The following KCNJ3 variants were observed in gnomAD, a reference collection of about 807,000 sequenced individuals.
KCNJ3 encodes the protein potassium inwardly rectifying channel subfamily J member 3.
In KCNJ3, 4 loss-of-function variants were observed where a neutral mutation model predicts 39.2. That is an observed-to-expected ratio of 0.10 (90% confidence interval 0.05 to 0.23). KCNJ3 has a LOEUF of 0.23. Ranked by LOEUF, KCNJ3 falls within the 10% of genes least tolerant of loss-of-function variation. The probability of loss-of-function intolerance (pLI) is 1.00; values close to 1 mark genes in which losing one functional copy is unlikely to be tolerated. For synonymous variants in KCNJ3, 230 were observed against 237.4 expected (o/e 0.97, Z 0.29); for missense variants, 276 against 634.9 (o/e 0.43, Z 6.08).
chr2:154,794,509 G>T (rs1365302808), intron 2 of KCNJ3, among the ~76,000 whole-genome samples: 1 of 151,988 alleles, frequency 6.6e-6, no homozygotes, highest in Non-Finnish European at 1.5e-5. Context: ...AGTTAGAGCA[G>T]CATGCAATAT....
At chr2:154,746,086 A>T (rs73019291) in intron 2 of KCNJ3, among the ~76,000 whole-genome samples, 8,296 of 151,898 alleles carry the variant, frequency 0.055, 759 homozygotes, top group African/African-American at 0.19. Context: ...GACAAGAATG[A>T]ATACCTTTAT....
intron 2 of KCNJ3, among the ~76,000 whole-genome samples, chr2:154,717,940 C>T (rs998993712): frequency 2.0e-5 from 3 of 152,160 alleles, no homozygotes; most frequent in African/African-American, 4.8e-5. Context: ...ATTTATCCTT[C>T]GTAATTGCAG....
intron 2 of KCNJ3, among the ~76,000 whole-genome samples, chr2:154,804,860 T>C (rs1172106937): frequency 6.6e-6 from 1 of 152,170 alleles, no homozygotes; most frequent in East Asian, 1.9e-4. Context: ...AAAAATAGTC[T>C]ACAGTAAGAA....
At chr2:154,792,297 G>A (rs1686647395) in intron 2 of KCNJ3, among the ~76,000 whole-genome samples, 3 of 152,044 alleles carry the variant, frequency 2.0e-5, no homozygotes, top group Admixed American at 2.0e-4. Context: ...TGTAAAAGTA[G>A]TGTGTGCTCC....
intron 2 of KCNJ3, among the ~76,000 whole-genome samples, chr2:154,727,666 C>T (rs912065131): frequency 6.7e-6 from 1 of 148,782 alleles, no homozygotes; most frequent in Non-Finnish European, 1.5e-5. Context: ...TTAGTGTTTA[C>T]AGAATATCAT....
chr2:154,802,833 T>C (rs892982319), intron 2 of KCNJ3, among the ~76,000 whole-genome samples: 4 of 152,154 alleles, frequency 2.6e-5, no homozygotes, highest in South Asian at 2.1e-4. Flanking sequence ...TATTGACTTT[T>C]AGTTGGCTTT....
chr2:154,843,642 ACT>A (rs1687616790), intron 2 of KCNJ3, among the ~76,000 whole-genome samples: 1 of 150,818 alleles, frequency 6.6e-6, no homozygotes. Flanking sequence ...ATTTCTTTTT[ACT>A]CTTTTTTCTC....
chr2:154,835,683 C>A (rs1003595612), intron 2 of KCNJ3, among the ~76,000 whole-genome samples: 2 of 151,902 alleles, frequency 1.3e-5, no homozygotes, highest in Non-Finnish European at 2.9e-5. Context: ...ATTTACCCAA[C>A]CTTCCTCCTT....
chr2:154,763,355 C>T (rs1468811401), intron 2 of KCNJ3, among the ~76,000 whole-genome samples: 1 of 151,730 alleles, frequency 6.6e-6, no homozygotes, highest in Non-Finnish European at 1.5e-5. Flanking sequence ...TGTTTCTGCA[C>T]AGGCCTAGGC....
In KCNJ3 at chr2:154,856,960, C is replaced by T. The variant is rs1199601902; in HGVS notation, c.*1647C>T. 1.3e-5 allele frequency: 2 copies of T among 152,124 alleles called. No homozygotes were observed. Among genetic ancestry groups the T allele is most frequent in the Non-Finnish European group, 2.9e-5 (2 of 68,026 alleles). 9.4% of individuals were successfully genotyped at this position (152,124 alleles called of 1,614,324 possible). On this transcript the variant is annotated 3_prime_UTR_variant, in exon 3 of 3. Coordinates refer to ENST00000295101, the MANE Select transcript of KCNJ3 (RefSeq NM_002239.4). The stretch of plus-strand genomic sequence containing the variant: ...GTCATTAATTGCTAGTTTGGGCTCT[C>T]ATTATTTCCTGTTTTTTAACAATTT...
intron 2 of KCNJ3, among the ~76,000 whole-genome samples, chr2:154,727,813 G>C (rs2105164991): frequency 6.6e-6 from 1 of 151,546 alleles, no homozygotes. Context: ...TGTCATAGTA[G>C]AAAAAATGCT....
intron 2 of KCNJ3, among the ~76,000 whole-genome samples, chr2:154,732,784 C>T (rs1045430185): frequency 2.0e-5 from 3 of 152,128 alleles, no homozygotes; most frequent in Admixed American, 6.5e-5. Context: ...TTTGGGCCTG[C>T]TGTAAACAAT....
Position 154,814,826 on chromosome 2 carries a change from T to A in KCNJ3, c.920-39901T>A, listed in dbSNP as rs180956154. ...TTGTAATCAATGACTTTATATGCATTATTATGAAAGGTGACACCCAGGAAC... is the reference window on the plus strand; with the variant it reads ...TTGTAATCAATGACTTTATATGCATAATTATGAAAGGTGACACCCAGGAAC... On this transcript the variant is annotated intron_variant, in intron 2 of 2. Transcript: ENST00000295101. Among the ~76,000 whole-genome samples the A allele has an allele frequency of 2.1e-3, 325 of 152,286 alleles. 9 individuals are homozygous for A. The South Asian group carries it at 0.05, about 24-fold the overall frequency.
intron 2 of KCNJ3, among the ~76,000 whole-genome samples, chr2:154,832,756 T>C (rs527308649): frequency 7.3e-4 from 111 of 152,242 alleles, no homozygotes; most frequent in Non-Finnish European, 1.4e-3. Context: ...GATTAAATAA[T>C]TTTATCTTTG....
chr2:154,713,477 G>GC (rs1685134400), intron 2 of KCNJ3, among the ~76,000 whole-genome samples: 1 of 152,116 alleles, frequency 6.6e-6, no homozygotes, highest in Non-Finnish European at 1.5e-5. Flanking sequence ...TGTGGCCTCA[G>GC]CAGGAGTGGT....
chr2:154,766,296 T>G (rs866749655), intron 2 of KCNJ3, among the ~76,000 whole-genome samples: 1 of 152,290 alleles, frequency 6.6e-6, no homozygotes, highest in Middle Eastern at 3.4e-3. Flanking sequence ...CATTTCCTTA[T>G]GTAAGCAATA....
At chr2:154,764,974 T>G (rs983897996) in intron 2 of KCNJ3, among the ~76,000 whole-genome samples, 2 of 152,206 alleles carry the variant, frequency 1.3e-5, no homozygotes, top group East Asian at 3.9e-4. Context: ...ATACACACTT[T>G]TGCCTACTTA....
chr2:154,699,957 C>CT lies in KCNJ3; in HGVS notation c.702+487dup, dbSNP rs1171154133. Among the ~76,000 whole-genome samples the CT allele has an allele frequency of 2.6e-5, 4 of 151,962 alleles. No homozygotes were observed. Among genetic ancestry groups the CT allele is most frequent in the African/African-American group, 7.2e-5 (3 of 41,386 alleles). ...TGGGCTTTTCTTATTTTTTTCTTTC[C>CT]TTTTTTTCCCCCTAATAATATTAGG... On this transcript the variant is annotated intron_variant, in intron 1 of 2. Transcript: ENST00000295101. This position sits in a 1 kb window ranked among gnomAD's most constrained non-coding sequence, Gnocchi z 6.4.
chr2:154,847,864 A>G (rs901488120), intron 2 of KCNJ3, among the ~76,000 whole-genome samples: 2 of 152,174 alleles, frequency 1.3e-5, no homozygotes, highest in Non-Finnish European at 2.9e-5. Context: ...TGTTAGGTGC[A>G]TCTGGCATTA....
Sources: allele counts gnomAD v4.1 joint callset (sites outside exome capture counted in the v4.1 genomes callset), GRCh38; gene constraint gnomAD v4.1.1; non-coding constraint Gnocchi (gnomAD v3.1); transcripts MANE v1.5; gene names NCBI Gene and HGNC (gene_info 2026-07-23, HGNC 2026-07-21).